The following PARVA variants were observed in gnomAD, a reference collection of about 807,000 sequenced individuals.
The protein encoded by PARVA is parvin alpha, also known as alpha-parvin.
PARVA carries 25 observed loss-of-function variants against 52.6 expected under a neutral mutation model. The ratio of observed to expected loss-of-function variants is 0.48; its 90% CI spans 0.35 to 0.66. PARVA has a LOEUF of 0.66. Ranked by LOEUF, PARVA falls within the 30% of genes least tolerant of loss-of-function variation. The pLI is 0.01. For synonymous variants in PARVA, 185 were observed against 179.1 expected (o/e 1.03, Z -0.26); for missense variants, 373 against 450.9 (o/e 0.83, Z 1.56).
chr11:12,404,480 G>A (rs532180784), intron 1 of PARVA, among the ~76,000 whole-genome samples: 4 of 152,340 alleles, frequency 2.6e-5, no homozygotes, highest in African/African-American at 4.8e-5. Context: ...TTGGTGCTAG[G>A]ACCCAATCAG....
At position 12,377,582 on chromosome 11, in the gene PARVA, C is replaced by A; in HGVS notation, c.-66C>A. ...AAAGCCGCAGCCTCAGTCCCGCCGC[C>A]GCCCGCTGCGTCCGCCCAGCGCCAG... On this transcript the variant is annotated 5_prime_UTR_variant, in exon 1 of 13. Coordinates refer to ENST00000334956, the MANE Select transcript of PARVA (RefSeq NM_018222.5). 6.7e-7 allele frequency: 1 copy of A among 1,500,118 alleles called. No homozygotes were observed. Among genetic ancestry groups the A allele is most frequent in the Non-Finnish European group, 8.9e-7 (1 of 1,126,572 alleles). The allele number at this position is 1,500,118 out of a possible 1,614,324, so 92.9% of individuals were successfully genotyped here.
At chr11:12,509,089 T>G (rs1941472427) in intron 7 of PARVA, among the ~76,000 whole-genome samples, 1 of 151,498 alleles carries the variant, frequency 6.6e-6, no homozygotes, top group African/African-American at 2.4e-5. Context: ...TTTTTTTTTT[T>G]TTTTCATTTA....
chr11:12,522,555 A>G (rs1941650943), intron 12 of PARVA, among the ~76,000 whole-genome samples: 1 of 151,012 alleles, frequency 6.6e-6, no homozygotes, highest in South Asian at 2.1e-4. Context: ...AGTAGCTGGG[A>G]TTACAGGCTG....
At chr11:12,466,495 G>A (rs185931515) in intron 1 of PARVA, among the ~76,000 whole-genome samples, 41 of 151,786 alleles carry the variant, frequency 2.7e-4, no homozygotes, top group African/African-American at 6.5e-4. Flanking sequence ...TTAGTGAGAC[G>A]GGGTTTCACT....
chr11:12,418,019 G>C, intron 1 of PARVA, among the ~76,000 whole-genome samples: 1 of 152,202 alleles, frequency 6.6e-6, no homozygotes, highest in East Asian at 1.9e-4. Flanking sequence ...GTGGGGAAGA[G>C]AAGTCACTTG....
chr11:12,440,473 G>A (rs1328462838), intron 1 of PARVA, among the ~76,000 whole-genome samples: 9 of 152,288 alleles, frequency 5.9e-5, no homozygotes, highest in South Asian at 4.2e-4. Context: ...CTAATGCTGC[G>A]TAACAAATTA....
Position 12,418,164 on chromosome 11 carries a change from G to T in PARVA, c.136+40381G>T, listed in dbSNP as rs545908430. Among the ~76,000 whole-genome samples the T allele has an allele frequency of 2.6e-5, 4 of 152,328 alleles. No individual in the cohort carries two copies. In the East Asian group the frequency reaches 7.7e-4, roughly 29 times the overall value. ...AAATTTTCTGAGGAAATCAGCATGG[G>T]CCAAGGGGCCCAATGAGAGTCTGAG... On this transcript the variant is annotated intron_variant, in intron 1 of 12. Transcript: ENST00000334956.
rs1941736528 is a variant in PARVA at position 12,528,790 on chromosome 11, A to G, written c.*865A>G. ...GTCATGTCCCTCACATCCTTTGTAC[A>G]AATGAAAATTACTCTTAATTCCTTC... is the stretch of plus-strand genomic sequence containing the variant. On this transcript the variant is annotated 3_prime_UTR_variant, in exon 13 of 13. Transcript: ENST00000334956. The G allele has an allele frequency of 6.6e-6, 1 of 152,526 alleles. No individual in the cohort carries two copies. Among genetic ancestry groups the G allele is most frequent in the South Asian group, 2.1e-4 (1 of 4,800 alleles). The allele number at this position is 152,526 out of a possible 1,614,324, so 9.4% of individuals were successfully genotyped here. A position where few individuals can be genotyped will look rare whatever the true frequency, so the allele number is the denominator to read the frequency against.
rs146089546 is a variant in PARVA, at chr11:12,514,446, G to T, written c.867+381G>T. Among the ~76,000 whole-genome samples, 858 of 152,276 alleles carry T rather than the reference G, an allele frequency of 5.6e-3. 6 individuals carry two copies. Among genetic ancestry groups the T allele is most frequent in the African/African-American group, 0.019 (803 of 41,562 alleles). On this transcript the variant is annotated intron_variant, in intron 10 of 12. Transcript: ENST00000334956. ...CATAATACATTAATCTGTTTAGATT[G>T]AATCATATGAAATTGCTGACATTCG...
rs139039417 is a variant in PARVA at position 12,488,245 on chromosome 11, T to C, written c.401-8213T>C. 5.3e-3 allele frequency among the ~76,000 whole-genome samples: 807 copies of C among 152,298 alleles called. 7 individuals are homozygous for C. The highest frequency in any genetic ancestry group is 8.2e-3 in the Non-Finnish European group (555 of 68,018). On this transcript the variant is annotated intron_variant, in intron 4 of 12. Coordinates refer to ENST00000334956, the MANE Select transcript of PARVA (RefSeq NM_018222.5). ...GTTTCAGAGGTCCTAATTAATATGA[T>C]AAGAAAATAGATTTTCATTTTTAGC...
intron 1 of PARVA, among the ~76,000 whole-genome samples, chr11:12,420,241 G>A (rs559527145): frequency 2.0e-5 from 3 of 152,276 alleles, no homozygotes; most frequent in East Asian, 3.9e-4. Context: ...GTACACATCT[G>A]TTATTCCTTT....
At chr11:12,523,621 G>A (rs751683585) in intron 12 of PARVA, among the ~76,000 whole-genome samples, 1 of 152,096 alleles carries the variant, frequency 6.6e-6, no homozygotes, top group Admixed American at 6.6e-5. Context: ...ATACCTCTGG[G>A]GGGGAGGAGC....
chr11:12,378,975 A>G (rs1453203660), intron 1 of PARVA, among the ~76,000 whole-genome samples: 1 of 152,190 alleles, frequency 6.6e-6, no homozygotes, highest in Non-Finnish European at 1.5e-5. Flanking sequence ...CTCCATAGAC[A>G]GAGCAGCCTG....
chr11:12,391,320 G>A (rs1939655038), intron 1 of PARVA, among the ~76,000 whole-genome samples: 1 of 152,116 alleles, frequency 6.6e-6, no homozygotes, highest in Non-Finnish European at 1.5e-5. Context: ...GGAAACAGGA[G>A]TCCAGGGCCA....
intron 12 of PARVA, among the ~76,000 whole-genome samples, chr11:12,524,270 C>T (rs1941674463): frequency 6.6e-6 from 1 of 152,112 alleles, no homozygotes; most frequent in East Asian, 1.9e-4. Context: ...AAAGGTATTG[C>T]CCAATTTTAC....
intron 3 of PARVA, among the ~76,000 whole-genome samples, chr11:12,474,506 T>C (rs779822198): frequency 1.3e-5 from 2 of 152,128 alleles, no homozygotes; most frequent in East Asian, 1.9e-4. Context: ...CTGCGTCTTA[T>C]TCCCTGTCCT....
chr11:12,423,549 T>C (rs1263796772), intron 1 of PARVA, among the ~76,000 whole-genome samples: 1 of 152,192 alleles, frequency 6.6e-6, no homozygotes, highest in East Asian at 1.9e-4. Context: ...TTTCTCTCTC[T>C]GCTATAGCTG....
At chr11:12,438,155 G>A (rs1589957084) in intron 1 of PARVA, among the ~76,000 whole-genome samples, 1 of 151,812 alleles carries the variant, frequency 6.6e-6, no homozygotes, top group Admixed American at 6.6e-5. Flanking sequence ...AGCTACTTGG[G>A]AGGCTGAGGC....
At chr11:12,407,124 A>T (rs910811780) in intron 1 of PARVA, among the ~76,000 whole-genome samples, 5 of 152,172 alleles carry the variant, frequency 3.3e-5, no homozygotes, top group Non-Finnish European at 7.3e-5. Context: ...CATTGCTAAC[A>T]TTTCCCTGGG....
Sources: allele counts gnomAD v4.1 joint callset (sites outside exome capture counted in the v4.1 genomes callset), GRCh38; gene constraint gnomAD v4.1.1; transcripts MANE v1.5; gene names NCBI Gene and HGNC (gene_info 2026-07-23, HGNC 2026-07-21).